CNTNAP2: variants seen among roughly 807,000 people sequenced by gnomAD.
CNTNAP2 encodes contactin associated protein 2, also known as contactin-associated protein-like 2.
In CNTNAP2, 98 loss-of-function variants were observed where a neutral mutation model predicts 155.2. The ratio of observed to expected loss-of-function variants is 0.63; its 90% CI spans 0.54 to 0.75. The LOEUF (loss-of-function observed/expected upper bound fraction) is 0.75, where lower values mean the gene tolerates loss of function less well. CNTNAP2 is among the 30% of genes least tolerant of loss of function. CNTNAP2 has a pLI of 0.00. For synonymous variants in CNTNAP2, 651 were observed against 631.2 expected (o/e 1.03, Z -0.47); for missense variants, 1,727 against 1,688.1 (o/e 1.02, Z -0.40).
At chr7:148,149,120 A>G (rs1017151559) in intron 17 of CNTNAP2, among the ~76,000 whole-genome samples, 2 of 152,184 alleles carry the variant, frequency 1.3e-5, no homozygotes, top group South Asian at 2.1e-4. Flanking sequence ...GGTTTTCATC[A>G]TAACAGGTGA....
intron 15 of CNTNAP2, among the ~76,000 whole-genome samples, chr7:148,028,318 A>G (rs1394814493): frequency 1.3e-5 from 2 of 152,176 alleles, no homozygotes; most frequent in Non-Finnish European, 2.9e-5. Flanking sequence ...TAGAAAACTG[A>G]GGTCTAATAA....
chr7:147,772,398 TAAAA>T (rs58669585), intron 13 of CNTNAP2, among the ~76,000 whole-genome samples: 4 of 118,122 alleles, frequency 3.4e-5, no homozygotes, highest in South Asian at 2.7e-4. Context: ...ACACTTTGTC[TAAAA>T]AAAAAAATAT....
chr7:148,055,930 C>G (rs529086884), intron 15 of CNTNAP2, among the ~76,000 whole-genome samples: 2 of 152,270 alleles, frequency 1.3e-5, no homozygotes, highest in South Asian at 2.1e-4. Context: ...AGCCAAGGTT[C>G]GGGGCTCATT....
intron 1 of CNTNAP2, among the ~76,000 whole-genome samples, chr7:146,364,967 A>G (rs567198093): frequency 6.6e-6 from 1 of 152,188 alleles, no homozygotes; most frequent in African/African-American, 2.4e-5. Context: ...TTTTTCTTAT[A>G]AATGGTTGTC....
intron 13 of CNTNAP2, among the ~76,000 whole-genome samples, chr7:147,762,729 G>T (rs1797322089): frequency 7.0e-6 from 1 of 142,936 alleles, no homozygotes; most frequent in Non-Finnish European, 1.5e-5. Flanking sequence ...TAAGTGGGGG[G>T]AGGGAGGGAG....
At chr7:146,873,320 A>G (rs528016708) in intron 3 of CNTNAP2, among the ~76,000 whole-genome samples, 1 of 152,342 alleles carries the variant, frequency 6.6e-6, no homozygotes, top group African/African-American at 2.4e-5. Flanking sequence ...AGTTGCTGCT[A>G]GAAAAATAAT....
chr7:147,050,792 A>G (rs961919012), intron 4 of CNTNAP2, among the ~76,000 whole-genome samples: 8 of 152,122 alleles, frequency 5.3e-5, no homozygotes, highest in African/African-American at 7.2e-5. Flanking sequence ...TCATGGATCT[A>G]GAGGGCACAG....
intron 1 of CNTNAP2, among the ~76,000 whole-genome samples, chr7:146,253,237 C>T (rs1485150054): frequency 6.6e-6 from 1 of 152,210 alleles, no homozygotes; most frequent in Non-Finnish European, 1.5e-5. Context: ...GAGTCTGTAT[C>T]CATGAATTTC....
intron 1 of CNTNAP2, among the ~76,000 whole-genome samples, chr7:146,154,436 T>C (rs1220574315): frequency 6.6e-6 from 1 of 152,218 alleles, no homozygotes; most frequent in East Asian, 1.9e-4. Context: ...GTAAAACTTC[T>C]TCTGCACTTT....
intron 1 of CNTNAP2, among the ~76,000 whole-genome samples, chr7:146,586,597 A>G (rs1221392981): frequency 6.6e-6 from 1 of 152,026 alleles, no homozygotes; most frequent in Non-Finnish European, 1.5e-5. Context: ...GTAATTAACC[A>G]TCAGATGTAT....
intron 1 of CNTNAP2, among the ~76,000 whole-genome samples, chr7:146,495,145 G>A (rs553963673): frequency 2.0e-5 from 3 of 152,268 alleles, no homozygotes; most frequent in South Asian, 2.1e-4. Flanking sequence ...CTGTGATGCC[G>A]GCTAGGCAGG....
intron 18 of CNTNAP2, among the ~76,000 whole-genome samples, chr7:148,197,408 G>C (rs1795295102): frequency 6.6e-6 from 1 of 152,068 alleles, no homozygotes; most frequent in South Asian, 2.1e-4. Context: ...TAGTCTTTTA[G>C]AAAGCCTGCA....
chr7:147,931,268 C>A (rs1372450837), intron 14 of CNTNAP2, among the ~76,000 whole-genome samples: 2 of 144,736 alleles, frequency 1.4e-5, no homozygotes, highest in Non-Finnish European at 3.0e-5. Flanking sequence ...AATTGACAAA[C>A]TAAAAAAAAA....
chr7:147,004,212 CAA>C (rs71525979), intron 3 of CNTNAP2, among the ~76,000 whole-genome samples: 11 of 97,704 alleles, frequency 1.1e-4, no homozygotes, highest in Non-Finnish European at 1.5e-4. Context: ...ACTCATATAC[CAA>C]AAAAAAAAAA....
rs149697880 is a variant in CNTNAP2 at position 146,145,580 on chromosome 7, G to C, written c.97+28607G>C. ...GCCTGTGTGCCGGTTTCCCAGTGGA[G>C]GTACATGGAGAAATAAGAATTGTTT... On this transcript the variant is annotated intron_variant, in intron 1 of 23. Transcript: ENST00000361727. 2.0e-3 allele frequency among the ~76,000 whole-genome samples: 306 copies of C among 152,242 alleles called. 1 individual carries two copies. The highest frequency in any genetic ancestry group is 7.1e-3 in the African/African-American group (295 of 41,548).
At chr7:148,293,077 AT>A (rs759655695) in intron 21 of CNTNAP2, among the ~76,000 whole-genome samples, 84 of 41,966 alleles carry the variant, frequency 2.0e-3, no homozygotes, top group East Asian at 8.2e-3. Context: ...CAAAAAATAA[AT>A]AAAATAAAAT....
chr7:147,105,521 C>G (rs1050637264), intron 4 of CNTNAP2, among the ~76,000 whole-genome samples: 2 of 151,970 alleles, frequency 1.3e-5, no homozygotes, highest in African/African-American at 4.8e-5. Flanking sequence ...AAATTTTAAT[C>G]TATTTTTGTA....
intron 15 of CNTNAP2, among the ~76,000 whole-genome samples, chr7:148,079,343 C>T (rs1803554133): frequency 6.6e-6 from 1 of 152,152 alleles, no homozygotes; most frequent in South Asian, 2.1e-4. Context: ...TAGGCAGATT[C>T]TCATGATGTT....
At chr7:147,285,086 T>C (rs1805146347) in intron 8 of CNTNAP2, among the ~76,000 whole-genome samples, 1 of 151,960 alleles carries the variant, frequency 6.6e-6, no homozygotes, top group Admixed American at 6.6e-5. Flanking sequence ...AAAGGATTAA[T>C]GCAGAATTAT....
Sources: allele counts gnomAD v4.1 joint callset (sites outside exome capture counted in the v4.1 genomes callset), GRCh38; gene constraint gnomAD v4.1.1; transcripts MANE v1.5; gene names NCBI Gene and HGNC (gene_info 2026-07-23, HGNC 2026-07-21).